The following CNIH3 variants were observed in gnomAD, a reference collection of about 807,000 sequenced individuals.
CNIH3 encodes the protein cornichon family AMPA receptor auxiliary protein 3, also known as protein cornichon homolog 3.
A neutral mutation model predicts 24.1 loss-of-function variants in CNIH3; 14 were observed. The observed-to-expected ratio is 0.58, with a 90% CI of 0.38 to 0.91. The LOEUF is 0.91. Ranked by LOEUF, CNIH3 falls within the 40% of genes least tolerant of loss-of-function variation. The pLI is 0.00. For missense variants in CNIH3, 178 were observed against 196.8 expected (o/e 0.90, Z 0.57); for synonymous variants, 68 against 73.8 (o/e 0.92, Z 0.40).
At chr1:224,605,396 C>T (rs563607088) in intron 3 of CNIH3, among the ~76,000 whole-genome samples, 7 of 152,320 alleles carry the variant, frequency 4.6e-5, no homozygotes, top group Admixed American at 2.0e-4. Flanking sequence ...GCTGTCTTTG[C>T]TCATTCCTGG....
At chr1:224,558,489 G>T (rs1680232654) in intron 3 of CNIH3, among the ~76,000 whole-genome samples, 2 of 152,116 alleles carry the variant, frequency 1.3e-5, no homozygotes, top group South Asian at 2.1e-4. Context: ...CAGTAAGAGG[G>T]TGCATTTTCT....
chr1:224,687,739 C>T (rs984728419), intron 3 of CNIH3, among the ~76,000 whole-genome samples: 2 of 152,228 alleles, frequency 1.3e-5, no homozygotes, highest in Admixed American at 1.3e-4. Context: ...GACCAATACA[C>T]TGAGACGGTG....
chr1:224,506,608 A>G (rs1273577699), intron 1 of CNIH3, among the ~76,000 whole-genome samples: 6 of 152,178 alleles, frequency 3.9e-5, no homozygotes. Context: ...CCTGAAGTTA[A>G]ACCTGATACA....
intron 2 of CNIH3, among the ~76,000 whole-genome samples, chr1:224,535,462 T>G (rs1476164973): frequency 6.6e-6 from 1 of 152,256 alleles, no homozygotes; most frequent in Non-Finnish European, 1.5e-5. Flanking sequence ...ACAGCATCAC[T>G]GAGAAACAAA....
intron 1 of CNIH3, among the ~76,000 whole-genome samples, chr1:224,494,697 T>G (rs950168274): frequency 6.6e-6 from 1 of 152,172 alleles, no homozygotes; most frequent in Non-Finnish European, 1.5e-5. Context: ...TCTGCCCTAA[T>G]CAAAACTGAA....
intron 3 of CNIH3, among the ~76,000 whole-genome samples, chr1:224,562,631 T>A (rs901448273): frequency 2.0e-5 from 3 of 152,136 alleles, no homozygotes; most frequent in Admixed American, 1.3e-4. Context: ...GGTGGGCAGA[T>A]CCCTCATGAA....
chr1:224,451,008 C>G (rs1156869119), intron 1 of CNIH3, among the ~76,000 whole-genome samples: 1 of 152,132 alleles, frequency 6.6e-6, no homozygotes, highest in Non-Finnish European at 1.5e-5. Context: ...TATTTTCCAG[C>G]CTCATATTTT....
At position 224,602,639 on chromosome 1, in the gene CNIH3, T is replaced by C. The variant is rs77075720; in HGVS notation, n.402+36375T>C. Reference sequence around the variant, plus strand: ...TATAAGAGAAAACCAAATAGAAGTGTATTAACATGTATATTTCATATGTAC... The same window carrying C: ...TATAAGAGAAAACCAAATAGAAGTGCATTAACATGTATATTTCATATGTAC... On this transcript the variant is annotated intron_variant and non_coding_transcript_variant, in intron 3 of 7. Coordinates refer to the CNIH3 transcript ENST00000478120. Among the ~76,000 whole-genome samples, 399 of 152,306 alleles carry C rather than the reference T, an allele frequency of 2.6e-3. 9 individuals are homozygous for C. In the East Asian group the frequency reaches 0.048, roughly 18 times the overall value.
chr1:224,526,900 GA>G (rs1678868491), intron 2 of CNIH3, among the ~76,000 whole-genome samples: 1 of 152,160 alleles, frequency 6.6e-6, no homozygotes, highest in African/African-American at 2.4e-5. Flanking sequence ...GAGAAGCGGA[GA>G]GGGGGCCACA....
intron 1 of CNIH3, among the ~76,000 whole-genome samples, chr1:224,443,845 C>T (rs542911015): frequency 5.1e-4 from 78 of 152,124 alleles, no homozygotes; most frequent in African/African-American, 1.8e-3. Context: ...TTCTTGAGGT[C>T]CCTATAGCCT....
chr1:224,601,766 T>C (rs1260546941), intron 3 of CNIH3, among the ~76,000 whole-genome samples: 2 of 152,206 alleles, frequency 1.3e-5, no homozygotes, highest in Admixed American at 1.3e-4. Flanking sequence ...GTAATGGCAG[T>C]GTGAGCAAAA....
At chr1:224,690,013 C>T (rs911782935) in intron 3 of CNIH3, among the ~76,000 whole-genome samples, 5 of 152,078 alleles carry the variant, frequency 3.3e-5, no homozygotes, top group South Asian at 2.1e-4. Context: ...AAAGGGTTCT[C>T]GTGGGGAGGA....
intron 2 of CNIH3, among the ~76,000 whole-genome samples, chr1:224,543,039 AG>A (rs1353872997): frequency 1.3e-5 from 2 of 152,224 alleles, no homozygotes; most frequent in Non-Finnish European, 2.9e-5. Context: ...TGAGTCAGAA[AG>A]ACCAACCATG....
intron 3 of CNIH3, among the ~76,000 whole-genome samples, chr1:224,707,682 T>C (rs890574629): frequency 1.3e-5 from 2 of 152,032 alleles, no homozygotes; most frequent in African/African-American, 4.8e-5. Flanking sequence ...CCCAGATCTG[T>C]GGGATCATAA....
intron 1 of CNIH3, among the ~76,000 whole-genome samples, chr1:224,637,990 C>A (rs1045214112): frequency 5.3e-5 from 8 of 152,250 alleles, no homozygotes; most frequent in African/African-American, 1.9e-4. Flanking sequence ...TAAAATGAAG[C>A]AAATGGGCAT....
chr1:224,436,354 T>A (rs1280640353), intron 1 of CNIH3, among the ~76,000 whole-genome samples: 1 of 152,220 alleles, frequency 6.6e-6, no homozygotes, highest in African/African-American at 2.4e-5. Context: ...AAGTGTTGTT[T>A]AGGCAAAATT....
intron 3 of CNIH3, among the ~76,000 whole-genome samples, chr1:224,597,416 A>G (rs1444710436): frequency 6.6e-6 from 1 of 152,218 alleles, no homozygotes; most frequent in Non-Finnish European, 1.5e-5. Flanking sequence ...ATCAAGAAGA[A>G]TCTTAACAGA....
chr1:224,456,731 T>C (rs1271779678), intron 1 of CNIH3, among the ~76,000 whole-genome samples: 2 of 152,244 alleles, frequency 1.3e-5, no homozygotes, highest in Non-Finnish European at 2.9e-5. Flanking sequence ...CCTGTCTTTT[T>C]GACACTCTTC....
intron 1 of CNIH3, among the ~76,000 whole-genome samples, chr1:224,680,187 G>C (rs1282039872): frequency 6.6e-6 from 1 of 152,164 alleles, no homozygotes; most frequent in African/African-American, 2.4e-5. Context: ...ATCCCACCTT[G>C]TTCTATTATT....
Sources: gnomAD v4.1 joint callset for allele counts (sites outside exome capture counted in the v4.1 genomes callset) on GRCh38, gnomAD v4.1.1 for gene constraint, MANE v1.5 for transcripts, NCBI Gene and HGNC (gene_info 2026-07-23, HGNC 2026-07-21) for gene names.